Variants in GLIPR1L1 observed in about 807,000 individuals in gnomAD.
The protein encoded by GLIPR1L1 is GLIPR1-like protein 1.
Under a neutral mutation model 29.9 loss-of-function variants are expected in GLIPR1L1, and 26 were observed. The ratio of observed to expected loss-of-function variants is 0.87; its 90% CI spans 0.64 to 1.21. The LOEUF is 1.21. Ranked by LOEUF, GLIPR1L1 falls within the 50% of genes most tolerant of loss-of-function variation. The pLI is 0.00. For missense variants in GLIPR1L1, 305 were observed against 290.3 expected (o/e 1.05, Z -0.37); for synonymous variants, 77 against 97.5 (o/e 0.79, Z 1.24).
Position 75,343,843 on chromosome 12 carries a change from A to T in GLIPR1L1, c.325A>T (p.Thr109Ser). ...CTGGTTAGGTGGAATAAAGTCATTCACACCAAGACATGCCATTACGGCTTG... is the reference window on the plus strand; with the variant it reads ...CTGGTTAGGTGGAATAAAGTCATTCTCACCAAGACATGCCATTACGGCTTG... ...NIWLGGIKSF[T>S]PRHAITAWYN... is the part of the protein sequence containing the mutation. The change falls in exon 2 of 6, where the codon ACA becomes TCA. Residue 109 changes from threonine to serine, a missense_variant. Physicochemically the swap from Thr to Ser is moderately conservative, Grantham distance 58. Coordinates refer to ENST00000378695, the MANE Select transcript of GLIPR1L1 (RefSeq NM_001304964.2). 1 of 1,612,990 alleles carries T rather than the reference A, an allele frequency of 6.2e-7. No homozygotes were observed. The highest frequency in any genetic ancestry group is 1.1e-5 in the South Asian group (1 of 91,050).
intron 3 of GLIPR1L1, 26 bp downstream of exon 3, chr12:75,347,748 T>C (rs1481378383): frequency 6.8e-6 from 10 of 1,462,014 alleles, no homozygotes; most frequent in Admixed American, 1.7e-5. Flanking sequence ...TTAAAAATAT[T>C]TTAATTGAAA....
intron 4 of GLIPR1L1, among the ~76,000 whole-genome samples, 170 bp downstream of exon 4, chr12:75,363,360 C>A (rs927774290): frequency 3.9e-5 from 6 of 152,184 alleles, no homozygotes; most frequent in Non-Finnish European, 7.4e-5. Flanking sequence ...TCAGATGATT[C>A]CTGCTTTCTT....
At chr12:75,341,747 C>T (rs370409872) in intron 1 of GLIPR1L1, among the ~76,000 whole-genome samples, 4 of 83,406 alleles carry the variant, frequency 4.8e-5, no homozygotes, top group African/African-American at 1.6e-4. Context: ...CGCCCGGCCT[C>T]TTTTTTTTTT....
chr12:75,358,791 A>AATATATAATATATTATATATGTTTAAAT, intron 3 of GLIPR1L1, among the ~76,000 whole-genome samples: 1 of 144,124 alleles, frequency 6.9e-6, no homozygotes, highest in African/African-American at 2.5e-5. Flanking sequence ...AATATATAAC[A>AATATATAATATATTATATATGTTTAAAT]ATATATAATA....
intron 1 of GLIPR1L1, among the ~76,000 whole-genome samples, chr12:75,335,830 A>G (rs554806389): frequency 6.6e-6 from 1 of 152,174 alleles, no homozygotes; most frequent in South Asian, 2.1e-4. Context: ...TCCAAGGCAT[A>G]AATTAACTAG....
intron 3 of GLIPR1L1, among the ~76,000 whole-genome samples, chr12:75,355,971 C>A (rs1303476462): frequency 6.6e-6 from 1 of 151,956 alleles, no homozygotes; most frequent in Non-Finnish European, 1.5e-5. Context: ...CACACTGGGG[C>A]CTGTTGGGGG....
chr12:75,365,829 T>A (rs1047082050), intron 4 of GLIPR1L1, among the ~76,000 whole-genome samples: 4 of 151,954 alleles, frequency 2.6e-5, no homozygotes, highest in Non-Finnish European at 5.9e-5. Flanking sequence ...TATATGAGTA[T>A]TTTACCAATA....
chr12:75,349,851 T>A (rs1035471286), intron 3 of GLIPR1L1, among the ~76,000 whole-genome samples: 9 of 152,306 alleles, frequency 5.9e-5, no homozygotes, highest in African/African-American at 2.2e-4. Context: ...TTATCCAAGA[T>A]AGAATCCATA....
In GLIPR1L1 at chr12:75,370,360, T is replaced by A; in HGVS notation, c.*184T>A. The stretch of plus-strand genomic sequence containing the variant: ...GTATGGAAAATGGATAGCAGTAGAA[T>A]AAAGTCTTAAGATTATTTTTTAATT... On this transcript the variant is annotated 3_prime_UTR_variant, in exon 6 of 6. Coordinates refer to ENST00000378695, the MANE Select transcript of GLIPR1L1 (RefSeq NM_001304964.2). The A allele has an allele frequency of 2.1e-6, 1 of 469,736 alleles. No homozygotes were observed. The highest frequency in any genetic ancestry group is 3.8e-6 in the Non-Finnish European group (1 of 262,936). The allele number at this position is 469,736 out of a possible 1,614,324, so 29.1% of individuals were successfully genotyped here.
chr12:75,335,196 A>G (rs895835269), intron 1 of GLIPR1L1, among the ~76,000 whole-genome samples: 1 of 152,064 alleles, frequency 6.6e-6, no homozygotes, highest in African/African-American at 2.4e-5. Flanking sequence ...ACACAGGATT[A>G]TTTTGTTTTC....
At chr12:75,360,938 C>T (rs1038569699) in intron 3 of GLIPR1L1, 2 of 152,196 alleles carry the variant, frequency 1.3e-5, no homozygotes, top group African/African-American at 4.8e-5. Context: ...AGGCCCAACA[C>T]TGTTGCAGTC....
chr12:75,355,689 G>A (rs375205525), intron 3 of GLIPR1L1, among the ~76,000 whole-genome samples: 85 of 152,204 alleles, frequency 5.6e-4, no homozygotes, highest in South Asian at 5.4e-3. Context: ...TAGGTTCAGC[G>A]CAGCACTATT....
intron 3 of GLIPR1L1, among the ~76,000 whole-genome samples, chr12:75,359,357 CTTTTTTTTT>C (rs61616225): frequency 7.0e-5 from 2 of 28,600 alleles, no homozygotes; most frequent in African/African-American, 2.8e-4. Flanking sequence ...GCATTGTTGT[CTTTTTTTTT>C]TTTTTTTTTT....
intron 3 of GLIPR1L1, among the ~76,000 whole-genome samples, chr12:75,361,183 T>C (rs2043561124): frequency 6.6e-6 from 1 of 151,920 alleles, no homozygotes; most frequent in African/African-American, 2.4e-5. Context: ...GTGTGCTGAT[T>C]GGTCTGTTGG....
intron 4 of GLIPR1L1, chr12:75,367,147 C>A (rs1048029043): frequency 3.3e-5 from 21 of 631,978 alleles, no homozygotes; most frequent in Admixed American, 4.8e-5. Context: ...AAAGTGGAAA[C>A]CAAATAGGGT....
chr12:75,354,028 C>T (rs540492729), intron 3 of GLIPR1L1, among the ~76,000 whole-genome samples: 1 of 152,002 alleles, frequency 6.6e-6, no homozygotes, highest in Admixed American at 6.6e-5. Context: ...AAACCCATGG[C>T]CAATGTCATA....
intron 3 of GLIPR1L1, among the ~76,000 whole-genome samples, chr12:75,358,405 G>T (rs972658169): frequency 3.3e-5 from 5 of 151,696 alleles, no homozygotes; most frequent in African/African-American, 1.2e-4. Flanking sequence ...TTCCAGGAAT[G>T]CAGGTCTCAT....
chr12:75,351,010 T>C (rs992566455), intron 3 of GLIPR1L1, among the ~76,000 whole-genome samples: 5 of 152,182 alleles, frequency 3.3e-5, no homozygotes, highest in Admixed American at 6.5e-5. Flanking sequence ...ATAAATGAAC[T>C]GATGGAGCTG....
chr12:75,339,326 T>C (rs1422001460), intron 1 of GLIPR1L1, among the ~76,000 whole-genome samples: 3 of 152,348 alleles, frequency 2.0e-5, no homozygotes, highest in African/African-American at 4.8e-5. Context: ...AATTGTGGTT[T>C]TGATTGCATT....
Sources: allele counts gnomAD v4.1 joint callset (sites outside exome capture counted in the v4.1 genomes callset), GRCh38; gene constraint gnomAD v4.1.1; transcripts MANE v1.5; gene names NCBI Gene and HGNC (gene_info 2026-07-23, HGNC 2026-07-21).